SNTG1: variants seen among roughly 807,000 people sequenced by gnomAD.
SNTG1 encodes the protein gamma-1-syntrophin.
In SNTG1, 39 loss-of-function variants were observed where a neutral mutation model predicts 74.7. The observed-to-expected ratio is 0.52, with a 90% confidence interval of 0.40 to 0.68. The LOEUF is 0.68. Ranked by LOEUF, SNTG1 falls within the 30% of genes least tolerant of loss-of-function variation. The pLI is 0.00. For synonymous variants in SNTG1, 254 were observed against 217.1 expected (o/e 1.17, Z -1.49); for missense variants, 685 against 609.5 (o/e 1.12, Z -1.30).
intron 4 of SNTG1, among the ~76,000 whole-genome samples, chr8:50,417,432 G>A (rs903422402): frequency 4.6e-5 from 7 of 152,040 alleles, no homozygotes; most frequent in Non-Finnish European, 7.4e-5. Flanking sequence ...TGCTTTCTTA[G>A]CATGTAGAAT....
intron 2 of SNTG1, among the ~76,000 whole-genome samples, chr8:50,187,991 C>A (rs945339172): frequency 2.0e-5 from 3 of 152,112 alleles, no homozygotes; most frequent in Non-Finnish European, 4.4e-5. Context: ...TCCATCACTG[C>A]CACCTTAGCC....
chr8:50,399,886 G>A (rs2092779482), intron 3 of SNTG1, among the ~76,000 whole-genome samples: 1 of 152,192 alleles, frequency 6.6e-6, no homozygotes. Context: ...GGTTTCATGA[G>A]CACTTGTGTG....
intron 8 of SNTG1, among the ~76,000 whole-genome samples, chr8:50,451,016 T>G (rs1321309434): frequency 1.3e-5 from 2 of 152,152 alleles, no homozygotes; most frequent in African/African-American, 2.4e-5. Flanking sequence ...AATACACCAC[T>G]GGGCGAAATA....
In SNTG1 at chr8:50,754,416, C is replaced by T. The variant is rs560895076; in HGVS notation, c.1395+2305C>T. Among the ~76,000 whole-genome samples the T allele has an allele frequency of 5.3e-5, 8 of 151,920 alleles. No individual in the cohort carries two copies. In the South Asian group the frequency reaches 1.5e-3, roughly 28 times the overall value. ...TCATCATAGTCTTCATTTACATATCCCTCAAGTCTGATAATGATGAACAAC... is the reference window on the plus strand; with the variant it reads ...TCATCATAGTCTTCATTTACATATCTCTCAAGTCTGATAATGATGAACAAC... On this transcript the variant is annotated intron_variant, in intron 18 of 18. Coordinates refer to ENST00000642720, the MANE Select transcript of SNTG1 (RefSeq NM_018967.5).
chr8:50,633,578 C>T (rs933615387), intron 13 of SNTG1, among the ~76,000 whole-genome samples: 1 of 152,176 alleles, frequency 6.6e-6, no homozygotes, highest in African/African-American at 2.4e-5. Flanking sequence ...GCCCTCATCC[C>T]TCCCTGCCTT....
chr8:49,971,410 A>G (rs1252071090), intron 1 of SNTG1, among the ~76,000 whole-genome samples: 1 of 152,202 alleles, frequency 6.6e-6, no homozygotes, highest in East Asian at 1.9e-4. Flanking sequence ...AGCCAATATC[A>G]TACTGAATGG....
intron 12 of SNTG1, among the ~76,000 whole-genome samples, chr8:50,573,049 G>T (rs1214872527): frequency 6.6e-6 from 1 of 151,922 alleles, no homozygotes; most frequent in African/African-American, 2.4e-5. Flanking sequence ...TAAAAAATTG[G>T]TATCGTTAAG....
intron 13 of SNTG1, among the ~76,000 whole-genome samples, chr8:50,597,367 A>G (rs1479055598): frequency 8.9e-6 from 1 of 112,566 alleles, no homozygotes. Flanking sequence ...ATACACATAT[A>G]CATGTATATA....
chr8:50,430,434 A>C (rs1025704435), intron 4 of SNTG1, among the ~76,000 whole-genome samples: 2 of 152,138 alleles, frequency 1.3e-5, no homozygotes, highest in Non-Finnish European at 2.9e-5. Flanking sequence ...TTCTTCTCTA[A>C]CACAGAGAAA....
intron 1 of SNTG1, among the ~76,000 whole-genome samples, chr8:50,108,806 A>G (rs1263063574): frequency 1.3e-5 from 2 of 152,134 alleles, no homozygotes; most frequent in Non-Finnish European, 2.9e-5. Flanking sequence ...TATATCCAAT[A>G]CATTGCTCAA....
intron 2 of SNTG1, among the ~76,000 whole-genome samples, chr8:50,255,202 C>T (rs572806904): frequency 1.3e-5 from 2 of 152,162 alleles, no homozygotes; most frequent in South Asian, 4.1e-4. Context: ...ATCAGGGTCA[C>T]TTGTAATTAT....
chr8:50,311,237 G>A (rs888146698), intron 2 of SNTG1, among the ~76,000 whole-genome samples: 2 of 152,170 alleles, frequency 1.3e-5, no homozygotes, highest in African/African-American at 4.8e-5. Flanking sequence ...AGGGACTGTG[G>A]CTGCAGCCAA....
At position 50,178,849 on chromosome 8, in the gene SNTG1, T is replaced by C. The variant is rs571778786; in HGVS notation, c.-28+6214T>C. Among the ~76,000 whole-genome samples the C allele has an allele frequency of 3.9e-5, 6 of 152,326 alleles. No homozygotes were observed. The South Asian group carries it at 1.0e-3, about 26-fold the overall frequency. The stretch of plus-strand genomic sequence containing the variant: ...TAAAACGTTTCCTATTTTGATGTAG[T>C]CATGCTTGCTTATTTTTACTTTTGC... On this transcript the variant is annotated intron_variant, in intron 2 of 18. Coordinates refer to ENST00000642720, the MANE Select transcript of SNTG1 (RefSeq NM_018967.5).
chr8:50,120,442 A>G (rs1274987188), intron 1 of SNTG1, among the ~76,000 whole-genome samples: 1 of 138,846 alleles, frequency 7.2e-6, no homozygotes, highest in East Asian at 2.0e-4. Context: ...TACCACCACC[A>G]CCCTACTGAA....
At chr8:50,323,707 GCCA>G (rs1360353257) in intron 2 of SNTG1, among the ~76,000 whole-genome samples, 2 of 152,068 alleles carry the variant, frequency 1.3e-5, no homozygotes, top group African/African-American at 4.8e-5. Context: ...CACCTCTGTG[GCCA>G]CCACCACTGG....
At chr8:50,652,576 C>T (rs1397371949) in intron 13 of SNTG1, among the ~76,000 whole-genome samples, 3 of 152,090 alleles carry the variant, frequency 2.0e-5, no homozygotes, top group Non-Finnish European at 2.9e-5. Context: ...GAGGATGGAT[C>T]ATTTGAGGTC....
At chr8:50,609,074 ATTCT>A (rs2094832421) in intron 13 of SNTG1, among the ~76,000 whole-genome samples, 1 of 152,036 alleles carries the variant, frequency 6.6e-6, no homozygotes, top group Non-Finnish European at 1.5e-5. Context: ...AAGCAATCTC[ATTCT>A]TTAAGTTATT....
chr8:50,056,439 A>G lies in SNTG1; in HGVS notation c.-102-116122A>G, dbSNP rs1249137098. ...CTTTTATTTTTTAAAGCAAACATCC[A>G]TGCCAGACATATGACACAGCAGAAA... On this transcript the variant is annotated intron_variant, in intron 1 of 18. Transcript: ENST00000642720. 2.6e-5 allele frequency among the ~76,000 whole-genome samples: 4 copies of G among 152,124 alleles called. No homozygotes were observed. The East Asian group carries it at 7.7e-4, about 29-fold the overall frequency.
intron 17 of SNTG1, among the ~76,000 whole-genome samples, chr8:50,735,809 C>T (rs1031369945): frequency 3.9e-5 from 6 of 151,950 alleles, no homozygotes; most frequent in Admixed American, 3.3e-4. Context: ...CACCACAAGA[C>T]ACATAATCAT....
Sources: gnomAD v4.1 joint callset for allele counts (sites outside exome capture counted in the v4.1 genomes callset) on GRCh38, gnomAD v4.1.1 for gene constraint, MANE v1.5 for transcripts, NCBI Gene and HGNC (gene_info 2026-07-23, HGNC 2026-07-21) for gene names.